CCDC169: variants seen among roughly 807,000 people sequenced by gnomAD.
The protein encoded by CCDC169 is coiled-coil domain-containing protein 169.
In CCDC169, 30 loss-of-function variants were observed where a neutral mutation model predicts 36.0. The ratio of observed to expected loss-of-function variants is 0.83; its 90% CI spans 0.62 to 1.13. The LOEUF (loss-of-function observed/expected upper bound fraction) is 1.13. Among genes scored for constraint, CCDC169 ranks in the 50% most tolerant of loss-of-function variants. The pLI, the probability that CCDC169 is intolerant of heterozygous loss-of-function variation, is 0.00. For missense variants in CCDC169, 245 were observed against 245.9 expected, an observed-to-expected ratio of 1.00 and a Z score of 0.03; for synonymous variants, 85 against 81.5, an observed-to-expected ratio of 1.04 and a Z score of -0.23.
chr13:36,274,473 G>C (rs1336141490), intron 4 of CCDC169: 1 of 151,868 alleles, frequency 6.6e-6, no homozygotes, highest in African/African-American at 2.4e-5. Context: ...TCTTCCCAAG[G>C]AGCTGCTTTT....
chr13:36,282,718 A>G (rs1877686530), intron 4 of CCDC169: 2 of 172,204 alleles, frequency 1.2e-5, no homozygotes, highest in Non-Finnish European at 2.3e-5. Flanking sequence ...CAAAAATAAC[A>G]CAAATACATC....
intron 7 of CCDC169, among the ~76,000 whole-genome samples, chr13:36,233,710 C>T (rs1205131792): frequency 6.6e-6 from 1 of 152,120 alleles, no homozygotes; most frequent in African/African-American, 2.4e-5. Context: ...GGAGCAGACA[C>T]AAGAGTCAAT....
chr13:36,286,350 C>T lies in CCDC169; in HGVS notation c.164-2648G>A, dbSNP rs186015621. ...GAGTGTACCCAACCACCTTCTGCCT[C>T]TTTTGGGGTGTCGCTGGGGCTCTGC... On this transcript the variant is annotated intron_variant, in intron 2 of 7. Coordinates refer to ENST00000239859, the MANE Select transcript of CCDC169 (RefSeq NM_001144981.3). 2.6e-5 allele frequency among the ~76,000 whole-genome samples: 4 copies of T among 152,292 alleles called. No homozygotes were observed. The East Asian group carries it at 7.7e-4, about 29-fold the overall frequency.
intron 6 of CCDC169, among the ~76,000 whole-genome samples, chr13:36,250,066 A>G (rs1360821619): frequency 1.3e-5 from 2 of 152,214 alleles, no homozygotes; most frequent in African/African-American, 4.8e-5. Context: ...ACAGCAAAAT[A>G]AATAGGTGAT....
chr13:36,293,237 G>A (rs376754490), intron 2 of CCDC169, among the ~76,000 whole-genome samples: 14 of 152,096 alleles, frequency 9.2e-5, no homozygotes, highest in African/African-American at 2.7e-4. Context: ...CAGGATAAAC[G>A]TAAATTCATT....
chr13:36,248,849 G>A (rs1405604637), intron 6 of CCDC169, among the ~76,000 whole-genome samples, 167 bp from the exon 7 acceptor site: 1 of 151,858 alleles, frequency 6.6e-6, no homozygotes, highest in Non-Finnish European at 1.5e-5. Context: ...TTATTATCAA[G>A]CCTCTAAAGA....
intron 6 of CCDC169, among the ~76,000 whole-genome samples, chr13:36,250,839 C>T (rs1873058320): frequency 6.6e-6 from 1 of 152,126 alleles, no homozygotes; most frequent in African/African-American, 2.4e-5. Flanking sequence ...GAATAAGAGG[C>T]ATCATATGAT....
At chr13:36,264,889 T>A (rs1875078390) in intron 4 of CCDC169, among the ~76,000 whole-genome samples, 1 of 152,198 alleles carries the variant, frequency 6.6e-6, no homozygotes, top group South Asian at 2.1e-4. Context: ...ATGTGGTCTG[T>A]CTTGATGAAT....
At chr13:36,234,233 T>C (rs1870797126) in intron 7 of CCDC169, among the ~76,000 whole-genome samples, 1 of 152,164 alleles carries the variant, frequency 6.6e-6, no homozygotes, top group African/African-American at 2.4e-5. Context: ...TAAATCTGTG[T>C]GCCTTTTCTC....
At chr13:36,261,967 TC>T (rs1346270735) in intron 4 of CCDC169, among the ~76,000 whole-genome samples, 1 of 152,184 alleles carries the variant, frequency 6.6e-6, no homozygotes, top group Non-Finnish European at 1.5e-5. Flanking sequence ...TGTTTAATCA[TC>T]CCACACTTTT....
At chr13:36,281,060 C>G (rs1566086063) in intron 4 of CCDC169, 1 of 320,416 alleles carries the variant, frequency 3.1e-6, no homozygotes, top group Non-Finnish European at 6.0e-6. Context: ...GACCGGCTTT[C>G]ACCTTTACCA....
intron 4 of CCDC169, among the ~76,000 whole-genome samples, chr13:36,277,495 C>A (rs1594071369): frequency 6.6e-6 from 1 of 152,078 alleles, no homozygotes; most frequent in African/African-American, 2.4e-5. Flanking sequence ...AAAGAATATA[C>A]CTTTAATATA....
chr13:36,297,335 C>A (rs1183361659), intron 1 of CCDC169, among the ~76,000 whole-genome samples: 1 of 151,918 alleles, frequency 6.6e-6, no homozygotes, highest in East Asian at 1.9e-4. Flanking sequence ...TTTATGGAGA[C>A]ATCAAAACCA....
intron 1 of CCDC169, 100 bp downstream of exon 1, chr13:36,297,537 C>T (rs746533112): frequency 6.9e-5 from 81 of 1,169,966 alleles, no homozygotes; most frequent in Non-Finnish European, 9.5e-5. Flanking sequence ...ATCACGGCGC[C>T]GGTCTTACAG....
intron 2 of CCDC169, among the ~76,000 whole-genome samples, chr13:36,292,249 C>T (rs1436072815): frequency 1.3e-5 from 2 of 152,122 alleles, no homozygotes; most frequent in African/African-American, 2.4e-5. Context: ...CTGCCTTGGC[C>T]TCCCAAAGTG....
intron 7 of CCDC169, among the ~76,000 whole-genome samples, chr13:36,233,405 A>G (rs552959196): frequency 5.3e-4 from 81 of 152,316 alleles, no homozygotes; most frequent in Admixed American, 3.9e-3. Flanking sequence ...CAAAATTACA[A>G]TATATGAGAA....
intron 7 of CCDC169, among the ~76,000 whole-genome samples, chr13:36,235,268 C>T (rs1430647382): frequency 3.3e-5 from 5 of 151,340 alleles, no homozygotes; most frequent in African/African-American, 1.2e-4. Context: ...AAAACCAATC[C>T]TTCACACGCA....
chr13:36,273,246 T>G (rs1438102619), intron 4 of CCDC169, among the ~76,000 whole-genome samples: 1 of 152,190 alleles, frequency 6.6e-6, no homozygotes, highest in Non-Finnish European at 1.5e-5. Flanking sequence ...TTCTTCACAA[T>G]TCAAACTCAA....
intron 4 of CCDC169, chr13:36,281,130 C>A (rs1594077034): frequency 2.8e-6 from 1 of 355,122 alleles, no homozygotes; most frequent in Non-Finnish European, 5.5e-6. Context: ...GAAGGCGAAG[C>A]AGCCATCTTT....
Sources: gnomAD v4.1 joint callset for allele counts (sites outside exome capture counted in the v4.1 genomes callset) on GRCh38, gnomAD v4.1.1 for gene constraint, MANE v1.5 for transcripts, NCBI Gene and HGNC (gene_info 2026-07-23, HGNC 2026-07-21) for gene names.